The following GANC variants were observed in gnomAD, a reference collection of about 807,000 sequenced individuals.
GANC encodes the protein neutral alpha-glucosidase C.
In GANC, 117 loss-of-function variants were observed where a neutral mutation model predicts 124.2. The ratio of observed to expected loss-of-function variants is 0.94; its 90% confidence interval spans 0.81 to 1.10. GANC has a LOEUF of 1.10. Ranked by LOEUF, GANC falls within the 50% of genes least tolerant of loss-of-function variation. The pLI is 0.00. For synonymous variants in GANC, 377 were observed against 376.8 expected, an observed-to-expected ratio of 1.00 and a Z score of -0.01; for missense variants, 1,140 against 1,095.0, an observed-to-expected ratio of 1.04 and a Z score of -0.58.
rs548978380 is a variant in GANC, at chr15:42,287,613, C to A, written c.202-78C>A. ...CTATCATAATTGAAACAAATACTTT[C>A]CTAATTATTGTAATTGGTGCAAAAT... On this transcript the variant is annotated intron_variant, in intron 3 of 23. Transcript: ENST00000318010. The A allele has an allele frequency of 1.4e-5, 20 of 1,463,480 alleles. No individual in the cohort carries two copies. The African/African-American group carries it at 2.7e-4, about 20-fold the overall frequency. The allele number at this position is 1,463,480 out of a possible 1,614,324, so 90.7% of individuals were successfully genotyped here. A position where few individuals can be genotyped will look rare whatever the true frequency, so the allele number is the denominator to read the frequency against.
rs576893150 is a variant in GANC, at chr15:42,346,947, A to G, written c.2304+1115A>G. 2.2e-4 allele frequency among the ~76,000 whole-genome samples: 34 copies of G among 152,246 alleles called. 1 individual carries two copies. In the South Asian group the frequency reaches 6.9e-3, roughly 31 times the overall value. On this transcript the variant is annotated intron_variant, in intron 20 of 23. Transcript: ENST00000318010. ...AGCAGCAATATGAACCCCATTATTT[A>G]AAAAAATAGTTTCAGATACCAACTT...
intron 6 of GANC, among the ~76,000 whole-genome samples, chr15:42,301,440 G>A (rs1163840068): frequency 3.3e-5 from 5 of 151,924 alleles, no homozygotes; most frequent in South Asian, 2.1e-4. Context: ...GGCAGACACC[G>A]AGCTAGCTGC....
chr15:42,292,544 A>G (rs1229877584), intron 4 of GANC, among the ~76,000 whole-genome samples, 191 bp from the exon 5 acceptor site: 5 of 152,230 alleles, frequency 3.3e-5, no homozygotes, highest in Admixed American at 2.0e-4. Flanking sequence ...TATAACGTAT[A>G]TGATAGAGTT....
Position 42,320,926 on chromosome 15 carries a change from G to A in GANC, c.1058-859G>A, listed in dbSNP as rs1017152160. Among the ~76,000 whole-genome samples, 4 of 152,108 alleles carry A rather than the reference G, an allele frequency of 2.6e-5. No individual in the cohort carries two copies. In the East Asian group the frequency reaches 5.8e-4, roughly 22 times the overall value. ...GGCCAACAGTTACCACCCTGCTCCTGCCTGCCACCTGCCAAATTTTTGTTG... is the reference window on the plus strand; with the variant it reads ...GGCCAACAGTTACCACCCTGCTCCTACCTGCCACCTGCCAAATTTTTGTTG... On this transcript the variant is annotated intron_variant, in intron 10 of 23. Coordinates refer to ENST00000318010, the MANE Select transcript of GANC (RefSeq NM_198141.3).
At chr15:42,314,121 G>T (rs2052081792) in intron 10 of GANC, 1 of 749,498 alleles carries the variant, frequency 1.3e-6, no homozygotes, top group East Asian at 2.5e-5. Flanking sequence ...AAGATACTGA[G>T]AAAAGGAAAG....
At chr15:42,314,693 TA>T (rs1465372534) in intron 10 of GANC, 5 of 152,762 alleles carry the variant, frequency 3.3e-5, no homozygotes, top group African/African-American at 7.2e-5. Flanking sequence ...TTTAATATAT[TA>T]GTCATGATAT....
chr15:42,316,499 C>T (rs1424430336), intron 10 of GANC, among the ~76,000 whole-genome samples: 1 of 152,176 alleles, frequency 6.6e-6, no homozygotes, highest in Non-Finnish European at 1.5e-5. Context: ...GGGAAGGCAG[C>T]ATTTTCTTCT....
intron 6 of GANC, among the ~76,000 whole-genome samples, chr15:42,303,670 G>GGA (rs377648385): frequency 7.8e-5 from 10 of 128,576 alleles, no homozygotes; most frequent in Non-Finnish European, 1.6e-4. Context: ...TATTTACCAA[G>GGA]AAAAAAAAAA....
At chr15:42,338,108 A>G (rs906231715) in intron 15 of GANC, among the ~76,000 whole-genome samples, 4 of 152,150 alleles carry the variant, frequency 2.6e-5, no homozygotes, top group African/African-American at 9.7e-5. Flanking sequence ...TAAATCTTAA[A>G]GTTGATTTTT....
intron 6 of GANC, among the ~76,000 whole-genome samples, chr15:42,299,644 C>G (rs1035397566): frequency 4.6e-5 from 7 of 152,140 alleles, no homozygotes; most frequent in Non-Finnish European, 7.3e-5. Context: ...TCCCGTATAG[C>G]CAAGACAATC....
At chr15:42,348,572 C>A (rs981576463) in intron 21 of GANC, among the ~76,000 whole-genome samples, 1 of 152,174 alleles carries the variant, frequency 6.6e-6, no homozygotes, top group South Asian at 2.1e-4. Flanking sequence ...GTCTATGCAC[C>A]ATTTCAGAGA....
intron 21 of GANC, 33 bp from the exon 22 acceptor site, chr15:42,349,350 A>G: frequency 1.6e-6 from 2 of 1,269,196 alleles, no homozygotes; most frequent in Non-Finnish European, 2.3e-6. Context: ...GCTATCATAT[A>G]AGCACATTCT....
intron 8 of GANC, among the ~76,000 whole-genome samples, chr15:42,309,578 A>C (rs950561493): frequency 4.5e-4 from 68 of 151,118 alleles, no homozygotes; most frequent in African/African-American, 1.6e-3. Flanking sequence ...TCGGCCTCCC[A>C]AAATGCTGGG....
chr15:42,316,458 GCCCTT>G (rs2052103689), intron 10 of GANC, among the ~76,000 whole-genome samples: 1 of 152,114 alleles, frequency 6.6e-6, no homozygotes, highest in African/African-American at 2.4e-5. Context: ...TGGGACGGGG[GCCCTT>G]CCCTTTTAGG....
chr15:42,295,639 GACACACACACACACACACACACAC>G (rs60220273), intron 5 of GANC, among the ~76,000 whole-genome samples: 6 of 137,722 alleles, frequency 4.4e-5, no homozygotes, highest in South Asian at 2.4e-4. Flanking sequence ...CTTTATTATA[GACACACACACACACACACACACAC>G]ACACACACAC....
intron 3 of GANC, among the ~76,000 whole-genome samples, chr15:42,281,562 G>A (rs2051734445): frequency 6.6e-6 from 1 of 152,062 alleles, no homozygotes; most frequent in Non-Finnish European, 1.5e-5. Flanking sequence ...ATGCATGCCT[G>A]TAATCCCAGC....
chr15:42,311,091 C>T (rs1307826884), intron 10 of GANC, among the ~76,000 whole-genome samples: 1 of 152,204 alleles, frequency 6.6e-6, no homozygotes, highest in Non-Finnish European at 1.5e-5. Context: ...AAGCTTTTAG[C>T]CCCTGGGCTA....
chr15:42,291,729 GT>G, intron 4 of GANC, among the ~76,000 whole-genome samples: 1 of 152,270 alleles, frequency 6.6e-6, no homozygotes, highest in Non-Finnish European at 1.5e-5. Flanking sequence ...ATTATGTGTG[GT>G]AGGACCCATG....
At chr15:42,309,408 C>T (rs1330380781) in intron 8 of GANC, among the ~76,000 whole-genome samples, 1 of 151,890 alleles carries the variant, frequency 6.6e-6, no homozygotes, top group Non-Finnish European at 1.5e-5. Flanking sequence ...CAACCTCTGC[C>T]TCCCAGGTTC....
Sources: allele counts gnomAD v4.1 joint callset (sites outside exome capture counted in the v4.1 genomes callset), GRCh38; gene constraint gnomAD v4.1.1; transcripts MANE v1.5; gene names NCBI Gene and HGNC (gene_info 2026-07-23, HGNC 2026-07-21).